Variants in COL19A1 observed in about 807,000 individuals in gnomAD.
The protein encoded by COL19A1 is collagen type XIX alpha 1 chain.
A neutral mutation model predicts 190.2 loss-of-function variants in COL19A1; 159 were observed. That is an observed-to-expected ratio of 0.84 (90% CI 0.73 to 0.95). The LOEUF is 0.95. Among genes scored for constraint, COL19A1 ranks in the 40% least tolerant of loss-of-function variants. The pLI is 0.00. For missense variants in COL19A1, 1,418 were observed against 1,431.9 expected (o/e 0.99, Z 0.16); for synonymous variants, 509 against 458.9 (o/e 1.11, Z -1.39).
intron 14 of COL19A1, among the ~76,000 whole-genome samples, chr6:70,064,646 A>G (rs532427836): frequency 1.3e-5 from 2 of 152,284 alleles, no homozygotes; most frequent in Admixed American, 6.5e-5. Flanking sequence ...AAGGGTATTC[A>G]ATTAGGAAAA....
intron 11 of COL19A1, among the ~76,000 whole-genome samples, chr6:69,978,808 A>T (rs1775871096): frequency 6.6e-6 from 1 of 151,728 alleles, no homozygotes; most frequent in Non-Finnish European, 1.5e-5. Flanking sequence ...TTAATAAATG[A>T]CTAAGAAAAT....
chr6:69,894,520 C>G (rs886157174), intron 2 of COL19A1, among the ~76,000 whole-genome samples: 2 of 152,164 alleles, frequency 1.3e-5, no homozygotes, highest in Non-Finnish European at 2.9e-5. Context: ...TTTATATTCC[C>G]TTTAAAAAAT....
intron 2 of COL19A1, among the ~76,000 whole-genome samples, chr6:69,898,376 A>G (rs1030529917): frequency 5.3e-5 from 8 of 152,154 alleles, no homozygotes; most frequent in Non-Finnish European, 1.5e-5. Flanking sequence ...AGTTGAGACT[A>G]TCTTTTATTT....
intron 15 of COL19A1, among the ~76,000 whole-genome samples, chr6:70,088,411 A>G (rs1286110922): frequency 6.6e-6 from 1 of 151,914 alleles, no homozygotes; most frequent in African/African-American, 2.4e-5. Flanking sequence ...TTTTTTTTCT[A>G]TCCTGTTTTT....
chr6:70,017,983 G>A (rs1038701089), intron 11 of COL19A1, among the ~76,000 whole-genome samples: 1 of 152,036 alleles, frequency 6.6e-6, no homozygotes, highest in Non-Finnish European at 1.5e-5. Flanking sequence ...GAAAAAGGAA[G>A]GATTTCCTTC....
intron 14 of COL19A1, among the ~76,000 whole-genome samples, chr6:70,038,063 C>T (rs1779446936): frequency 6.6e-6 from 1 of 152,146 alleles, no homozygotes; most frequent in South Asian, 2.1e-4. Context: ...ACTTACAATA[C>T]ACTAAATATT....
intron 11 of COL19A1, among the ~76,000 whole-genome samples, chr6:70,016,416 A>AGAAAAAAT (rs1778110149): frequency 7.3e-6 from 1 of 137,798 alleles, no homozygotes. Context: ...AACAAAACAA[A>AGAAAAAAT]GCAAACATGG....
At chr6:69,898,905 A>G (rs1232423772) in intron 2 of COL19A1, 43 bp from the exon 3 acceptor site, 8 of 1,176,092 alleles carry the variant, frequency 6.8e-6, no homozygotes, top group African/African-American at 1.5e-5. Context: ...ATTAAAATTC[A>G]TACATAATGC....
intron 11 of COL19A1, among the ~76,000 whole-genome samples, chr6:69,969,998 T>TC (rs1479173574): frequency 2.0e-5 from 3 of 152,248 alleles, no homozygotes; most frequent in East Asian, 3.9e-4. Flanking sequence ...CCCACCTCCA[T>TC]CACCACCATG....
intron 9 of COL19A1, among the ~76,000 whole-genome samples, chr6:69,943,355 T>C (rs1773592724): frequency 6.6e-6 from 1 of 152,142 alleles, no homozygotes; most frequent in African/African-American, 2.4e-5. Flanking sequence ...ATTCTGCAGG[T>C]TGTCTCTTCA....
At chr6:70,065,932 T>C (rs1420541066) in intron 14 of COL19A1, among the ~76,000 whole-genome samples, 2 of 152,206 alleles carry the variant, frequency 1.3e-5, no homozygotes, top group Non-Finnish European at 2.9e-5. Flanking sequence ...CCAGTTAGAA[T>C]GGCAATCATT....
chr6:70,204,374 T>C (rs1767737524), intron 49 of COL19A1, among the ~76,000 whole-genome samples: 1 of 152,208 alleles, frequency 6.6e-6, no homozygotes, highest in South Asian at 2.1e-4. Context: ...ATGGCAGCCT[T>C]CATAATGAAT....
chr6:70,113,222 G>A (rs1784380266), intron 16 of COL19A1, among the ~76,000 whole-genome samples: 1 of 152,170 alleles, frequency 6.6e-6, no homozygotes, highest in African/African-American at 2.4e-5. Context: ...GAATAAGCAT[G>A]TCGCTGCCAG....
intron 42 of COL19A1, among the ~76,000 whole-genome samples, chr6:70,178,994 C>T (rs1302677200): frequency 6.6e-6 from 1 of 152,134 alleles, no homozygotes; most frequent in Non-Finnish European, 1.5e-5. Flanking sequence ...TGTCCCTTAT[C>T]TCTTTGTCTC....
At chr6:70,148,922 A>T (rs1249847294) in intron 27 of COL19A1, among the ~76,000 whole-genome samples, 1 of 71,120 alleles carries the variant, frequency 1.4e-5, no homozygotes, top group Non-Finnish European at 2.7e-5. Flanking sequence ...GTGAGACTCC[A>T]TCTAAAAAAA....
intron 18 of COL19A1, among the ~76,000 whole-genome samples, chr6:70,133,939 T>C (rs1785672904): frequency 6.6e-6 from 1 of 152,198 alleles, no homozygotes; most frequent in Non-Finnish European, 1.5e-5. Flanking sequence ...GTCCTGCCCC[T>C]GTTTACCTGT....
At chr6:70,144,093 C>T in intron 23 of COL19A1, 117 bp from the exon 24 acceptor site, 1 of 805,468 alleles carries the variant, frequency 1.2e-6, no homozygotes. Context: ...CCAACTCCTT[C>T]TATTAATAGG....
intron 4 of COL19A1, among the ~76,000 whole-genome samples, chr6:69,921,601 T>C (rs146067372): frequency 0.018 from 2,550 of 145,170 alleles, 65 homozygotes; most frequent in East Asian, 0.063. Context: ...GATTCGTATA[T>C]GTATATAGAT....
rs1476166499 is a variant in COL19A1 at position 69,927,980 on chromosome 6, A to G, written c.338A>G (p.Lys113Arg). 3.1e-6 allele frequency: 5 copies of G among 1,613,414 alleles called. No homozygotes were observed. Among genetic ancestry groups the G allele is most frequent in the Admixed American group, 3.3e-5 (2 of 59,942 alleles). ...AAMFRVRRNA[K>R]KERWFLWQVL... ...ATGTTTCGAGTACGAAGAAACGCCA[A>G]AAAGGAACGGTGGTTTCTGTGGCAG... The change falls in exon 5 of 51, where the codon AAA becomes AGA. Residue 113 changes from lysine (K) to arginine (R), a missense_variant. By Grantham distance (26) the Lys-to-Arg change is conservative. Transcript: ENST00000620364.
Sources: allele counts gnomAD v4.1 joint callset (sites outside exome capture counted in the v4.1 genomes callset), GRCh38; gene constraint gnomAD v4.1.1; transcripts MANE v1.5; gene names NCBI Gene and HGNC (gene_info 2026-07-23, HGNC 2026-07-21).